The following ROCK1 variants were observed in gnomAD, a reference collection of about 807,000 sequenced individuals.
The protein encoded by ROCK1 is rho-associated protein kinase 1.
A neutral mutation model predicts 196.8 loss-of-function variants in ROCK1; 36 were observed. The observed-to-expected ratio is 0.18, with a 90% CI of 0.14 to 0.24. The LOEUF is 0.24. Ranked by LOEUF, ROCK1 falls within the 10% of genes least tolerant of loss-of-function variation. The pLI is 1.00. For missense variants in ROCK1, 920 were observed against 1,562.0 expected, an observed-to-expected ratio of 0.59 and a Z score of 6.93; for synonymous variants, 443 against 515.9, an observed-to-expected ratio of 0.86 and a Z score of 1.91.
At chr18:20,957,632 C>T (rs2035257203) in intron 29 of ROCK1, among the ~76,000 whole-genome samples, 1 of 151,998 alleles carries the variant, frequency 6.6e-6, no homozygotes, top group African/African-American at 2.4e-5. Context: ...AGGCACCTGC[C>T]ACCACGCCCA....
intron 1 of ROCK1, among the ~76,000 whole-genome samples, chr18:21,095,050 CAAAA>C (rs777577556): frequency 1.7e-4 from 9 of 53,780 alleles, no homozygotes; most frequent in South Asian, 6.6e-4. Flanking sequence ...AACTCTGTCT[CAAAA>C]AAAAAAAAAA....
chr18:21,057,632 G>A (rs2036254782), intron 2 of ROCK1, among the ~76,000 whole-genome samples: 1 of 152,028 alleles, frequency 6.6e-6, no homozygotes, highest in Non-Finnish European at 1.5e-5. Context: ...GACCAGCCTG[G>A]CCAACATGGC....
intron 27 of ROCK1, among the ~76,000 whole-genome samples, chr18:20,964,683 A>C (rs191183026): frequency 6.6e-6 from 1 of 152,350 alleles, no homozygotes; most frequent in East Asian, 1.9e-4. Context: ...ATAACCTTAA[A>C]AACAAAATTC....
chr18:21,077,299 T>G (rs1016264727), intron 1 of ROCK1, among the ~76,000 whole-genome samples: 6 of 152,130 alleles, frequency 3.9e-5, no homozygotes, highest in African/African-American at 1.4e-4. Flanking sequence ...CTTGAGCAGG[T>G]AGCAGACTGG....
intron 1 of ROCK1, 26 bp from the exon 2 acceptor site, chr18:21,070,639 A>G: frequency 1.3e-6 from 2 of 1,485,830 alleles, no homozygotes; most frequent in Non-Finnish European, 1.9e-6. Context: ...AACAATGGTT[A>G]GTTTTTTGGA....
rs1009696039 is a variant in ROCK1 at position 21,095,992 on chromosome 18, T to TA, written c.93+14825dup. Among the ~76,000 whole-genome samples the TA allele has an allele frequency of 2.5e-4, 36 of 144,904 alleles. 1 individual carries two copies. The highest frequency in any genetic ancestry group is 8.8e-4 in the South Asian group (4 of 4,554). On this transcript the variant is annotated intron_variant, in intron 1 of 32. Coordinates refer to ENST00000399799, the MANE Select transcript of ROCK1 (RefSeq NM_005406.3). ...CTATGTATCCACAAAAATTGAAAAT[T>TA]AAAAAAAAAAATAAGAGTAGAATCA... is the stretch of plus-strand genomic sequence containing the variant.
In ROCK1 at chr18:20,970,942, TCA is replaced by T. The variant is rs568643806; in HGVS notation, c.2655-431_2655-430del. The stretch of plus-strand genomic sequence containing the variant: ...GCAAGTCCCTTACACTTCCTGCAGT[TCA>T]GTTTCATCAAATCTGTAAAATGAGA... On this transcript the variant is annotated intron_variant, in intron 22 of 32. Coordinates refer to ENST00000399799, the MANE Select transcript of ROCK1 (RefSeq NM_005406.3). Among the ~76,000 whole-genome samples the T allele has an allele frequency of 7.4e-4, 112 of 152,336 alleles. 2 individuals are homozygous for T. The South Asian group carries it at 0.013, about 17-fold the overall frequency.
intron 9 of ROCK1, among the ~76,000 whole-genome samples, chr18:21,031,390 G>C (rs2036004921): frequency 6.6e-6 from 1 of 151,866 alleles, no homozygotes; most frequent in Non-Finnish European, 1.5e-5. Flanking sequence ...GGATCACAAG[G>C]TCAGGAGATC....
At chr18:21,014,592 A>G (rs1313094632) in intron 13 of ROCK1, among the ~76,000 whole-genome samples, 1 of 152,238 alleles carries the variant, frequency 6.6e-6, no homozygotes, top group African/African-American at 2.4e-5. Flanking sequence ...AAGATATGCA[A>G]AAAAGGACTC....
At chr18:21,038,162 G>A (rs1329656709) in intron 9 of ROCK1, among the ~76,000 whole-genome samples, 1 of 152,088 alleles carries the variant, frequency 6.6e-6, no homozygotes, top group South Asian at 2.1e-4. Context: ...CACAAAAAGT[G>A]TTTTGATGTA....
chr18:21,047,589 C>T (rs1023536744), intron 4 of ROCK1, among the ~76,000 whole-genome samples: 39 of 152,124 alleles, frequency 2.6e-4, no homozygotes, highest in Admixed American at 1.8e-3. Flanking sequence ...GTCAGGAGAT[C>T]GAGACCATGC....
chr18:21,023,377 G>A (rs2035930441), intron 11 of ROCK1, among the ~76,000 whole-genome samples: 1 of 151,988 alleles, frequency 6.6e-6, no homozygotes, highest in Admixed American at 6.6e-5. Flanking sequence ...GATTAAAAAA[G>A]ATGACCACTG....
intron 12 of ROCK1, among the ~76,000 whole-genome samples, chr18:21,016,295 C>T (rs1159701426): frequency 3.9e-5 from 6 of 152,148 alleles, no homozygotes; most frequent in Admixed American, 3.3e-4. Flanking sequence ...TTTTGTCATC[C>T]ACGTTTAAGG....
chr18:21,026,871 AGT>A (rs2035962059), intron 10 of ROCK1, among the ~76,000 whole-genome samples: 1 of 151,992 alleles, frequency 6.6e-6, no homozygotes, highest in Non-Finnish European at 1.5e-5. Flanking sequence ...TAACCCACCC[AGT>A]AAGTGTTATC....
At chr18:21,056,928 C>T (rs1189933935) in intron 2 of ROCK1, among the ~76,000 whole-genome samples, 1 of 152,136 alleles carries the variant, frequency 6.6e-6, no homozygotes, top group Non-Finnish European at 1.5e-5. Flanking sequence ...TGGCTAACTC[C>T]CTCAACTACT....
intron 1 of ROCK1, among the ~76,000 whole-genome samples, chr18:21,095,874 C>A (rs2036608755): frequency 6.6e-6 from 1 of 151,804 alleles, no homozygotes; most frequent in African/African-American, 2.4e-5. Context: ...AGGATAAATG[C>A]TTGAGAGGAT....
intron 27 of ROCK1, among the ~76,000 whole-genome samples, chr18:20,961,086 TG>T (rs1252257674): frequency 1.3e-5 from 2 of 152,260 alleles, no homozygotes; most frequent in East Asian, 3.9e-4. Flanking sequence ...TAGAAATATC[TG>T]GGGGATAAAG....
chr18:21,052,674 C>T (rs577613534), intron 2 of ROCK1, among the ~76,000 whole-genome samples: 1 of 152,102 alleles, frequency 6.6e-6, no homozygotes, highest in South Asian at 2.1e-4. Context: ...CTCACAGGGG[C>T]ACAAACCCTA....
At chr18:21,001,118 C>G (rs2035720250) in intron 16 of ROCK1, among the ~76,000 whole-genome samples, 1 of 152,150 alleles carries the variant, frequency 6.6e-6, no homozygotes, top group African/African-American at 2.4e-5. Context: ...ACTACTGACA[C>G]ATGCTACAAT....
Sources: gnomAD v4.1 joint callset for allele counts (sites outside exome capture counted in the v4.1 genomes callset) on GRCh38, gnomAD v4.1.1 for gene constraint, MANE v1.5 for transcripts, NCBI Gene and HGNC (gene_info 2026-07-23, HGNC 2026-07-21) for gene names.